DAB1: variants seen among roughly 807,000 people sequenced by gnomAD.
DAB1 encodes the protein disabled homolog 1.
A neutral mutation model predicts 64.6 loss-of-function variants in DAB1; 15 were observed. The observed-to-expected ratio is 0.23, with a 90% CI of 0.16 to 0.36. The LOEUF is 0.36. Among genes scored for constraint, DAB1 ranks in the 10% least tolerant of loss-of-function variants. The pLI is 1.00. For missense variants in DAB1, 596 were observed against 706.7 expected, an observed-to-expected ratio of 0.84 and a Z score of 1.78; for synonymous variants, 235 against 251.9, an observed-to-expected ratio of 0.93 and a Z score of 0.64.
chr1:58,166,421 T>C (rs1399570698), intron 4 of DAB1, among the ~76,000 whole-genome samples: 1 of 152,244 alleles, frequency 6.6e-6, no homozygotes, highest in Non-Finnish European at 1.5e-5. Flanking sequence ...TGTGATGTTT[T>C]GCATCTGGCT....
intron 2 of DAB1, among the ~76,000 whole-genome samples, chr1:57,161,623 T>A (rs777515578): frequency 6.6e-6 from 1 of 152,222 alleles, no homozygotes; most frequent in African/African-American, 2.4e-5. Context: ...AACAAATGTA[T>A]TTTTAAAATT....
At chr1:57,337,992 T>G (rs1011900473) in intron 1 of DAB1, among the ~76,000 whole-genome samples, 2 of 151,406 alleles carry the variant, frequency 1.3e-5, no homozygotes, top group African/African-American at 4.9e-5. Flanking sequence ...CTCCTTCTTC[T>G]TCTTCTTCTG....
intron 7 of DAB1, among the ~76,000 whole-genome samples, chr1:57,596,515 T>G (rs1279617842): frequency 6.6e-6 from 1 of 151,922 alleles, no homozygotes; most frequent in Non-Finnish European, 1.5e-5. Flanking sequence ...AAAGAGCCGA[T>G]TACATGCCTG....
intron 1 of DAB1, among the ~76,000 whole-genome samples, chr1:57,377,060 A>G (rs1199498867): frequency 1.3e-5 from 2 of 152,170 alleles, no homozygotes; most frequent in Non-Finnish European, 2.9e-5. Context: ...ACTTGAGTTC[A>G]GGAATTTGAG....
chr1:58,228,869 G>A (rs545453642), intron 4 of DAB1: 12 of 578,476 alleles, frequency 2.1e-5, no homozygotes, highest in South Asian at 1.7e-4. Context: ...GCAGGACAGA[G>A]GCCCAGAGCA....
In DAB1 at chr1:57,096,296, A is replaced by G. The variant is rs529377213; in HGVS notation, c.307-23882T>C. On this transcript the variant is annotated intron_variant, in intron 4 of 14. Transcript: ENST00000371236. Reference sequence around the variant, plus strand: ...TTTCAACCTCTTTGCTTAAAAGCTTACTGCTCATTCTTCCCTGGCTCCTCT... The same window carrying G: ...TTTCAACCTCTTTGCTTAAAAGCTTGCTGCTCATTCTTCCCTGGCTCCTCT... 7.9e-4 allele frequency among the ~76,000 whole-genome samples: 121 copies of G among 152,274 alleles called. 6 individuals are homozygous for G. In the South Asian group the frequency reaches 0.025, roughly 32 times the overall value.
At chr1:57,880,819 T>G (rs888014462) in intron 1 of DAB1, 1 of 152,218 alleles carries the variant, frequency 6.6e-6, no homozygotes, top group Non-Finnish European at 1.5e-5. Flanking sequence ...ATCAATGTAT[T>G]AAATTGAAAT....
intron 3 of DAB1, among the ~76,000 whole-genome samples, chr1:58,431,514 C>T (rs186093528): frequency 0.018 from 2,553 of 138,026 alleles, 24 homozygotes; most frequent in African/African-American, 0.025. Flanking sequence ...GCCGAGATCA[C>T]GCCACTGCAC....
intron 6 of DAB1, among the ~76,000 whole-genome samples, chr1:57,673,740 T>C (rs1181870467): frequency 6.6e-6 from 1 of 152,188 alleles, no homozygotes; most frequent in East Asian, 1.9e-4. Flanking sequence ...CATTTTACTT[T>C]TAAAATTCTT....
At chr1:57,216,600 A>C (rs182652029) in intron 2 of DAB1, among the ~76,000 whole-genome samples, 2 of 152,270 alleles carry the variant, frequency 1.3e-5, no homozygotes, top group East Asian at 3.9e-4. Flanking sequence ...CCATGTCCTT[A>C]AGGAGACTGT....
At chr1:58,174,917 T>C (rs970550966) in intron 4 of DAB1, among the ~76,000 whole-genome samples, 2 of 152,064 alleles carry the variant, frequency 1.3e-5, no homozygotes, top group African/African-American at 2.4e-5. Context: ...TCTGTACAAA[T>C]GCACCAATCA....
intron 7 of DAB1, 87 bp downstream of exon 7, chr1:57,070,936 G>C (rs544090295): frequency 2.0e-5 from 24 of 1,186,628 alleles, no homozygotes; most frequent in Non-Finnish European, 3.0e-5. Context: ...TTTGCAGTCA[G>C]TGGATTCTTC....
chr1:57,501,991 T>C (rs983473349), intron 7 of DAB1, among the ~76,000 whole-genome samples: 4 of 152,124 alleles, frequency 2.6e-5, no homozygotes, highest in African/African-American at 9.7e-5. Context: ...ACTGTTCTTC[T>C]GTCTCCGCAG....
At chr1:58,071,398 G>C (rs929661566) in intron 5 of DAB1, among the ~76,000 whole-genome samples, 8 of 150,848 alleles carry the variant, frequency 5.3e-5, no homozygotes, top group African/African-American at 2.0e-4. Flanking sequence ...GTGTGTGTGT[G>C]TGTGTGTGGG....
chr1:58,217,072 A>C (rs1307685100), intron 4 of DAB1, among the ~76,000 whole-genome samples: 1 of 152,206 alleles, frequency 6.6e-6, no homozygotes, highest in Non-Finnish European at 1.5e-5. Context: ...ATTTTGGCAA[A>C]TGTCTTTCAG....
intron 7 of DAB1, among the ~76,000 whole-genome samples, chr1:57,644,969 G>A (rs1441442133): frequency 6.6e-6 from 1 of 152,158 alleles, no homozygotes; most frequent in African/African-American, 2.4e-5. Context: ...AGAGTCCTTT[G>A]TCAAAGAGTT....
At chr1:58,342,415 A>G (rs1201250273) in intron 4 of DAB1, among the ~76,000 whole-genome samples, 2 of 152,210 alleles carry the variant, frequency 1.3e-5, no homozygotes, top group Non-Finnish European at 2.9e-5. Context: ...CGTGGGCTGC[A>G]GTGATCAGCA....
chr1:57,697,661 G>A (rs912422903), intron 6 of DAB1, among the ~76,000 whole-genome samples: 1 of 152,060 alleles, frequency 6.6e-6, no homozygotes, highest in Non-Finnish European at 1.5e-5. Context: ...GTTATGAAAT[G>A]CCTTCAGTTT....
At chr1:57,490,013 G>A (rs549613527) in intron 7 of DAB1, among the ~76,000 whole-genome samples, 20 of 152,258 alleles carry the variant, frequency 1.3e-4, no homozygotes, top group East Asian at 9.7e-4. Flanking sequence ...TCTAAAAGGG[G>A]CCCAAGAAAG....
Sources: gnomAD v4.1 joint callset for allele counts (sites outside exome capture counted in the v4.1 genomes callset) on GRCh38, gnomAD v4.1.1 for gene constraint, MANE v1.5 for transcripts, NCBI Gene and HGNC (gene_info 2026-07-23, HGNC 2026-07-21) for gene names.